Variants in AP3S1 observed in about 807,000 individuals in gnomAD.
AP3S1 encodes the protein AP-3 complex subunit sigma-1.
AP3S1 carries 12 observed loss-of-function variants against 21.3 expected under a neutral mutation model. That is an observed-to-expected ratio of 0.56 (90% CI 0.36 to 0.91). The LOEUF (loss-of-function observed/expected upper bound fraction) is 0.91. Among genes scored for constraint, AP3S1 ranks in the 40% least tolerant of loss-of-function variants. The probability of loss-of-function intolerance (pLI) is 0.01; values close to 1 mark genes in which losing one functional copy is unlikely to be tolerated. For synonymous variants in AP3S1, 48 were observed against 78.4 expected (o/e 0.61, Z 2.05); for missense variants, 116 against 225.0 (o/e 0.52, Z 3.10).
chr5:115,896,763 G>A (rs1750783319), intron 4 of AP3S1, among the ~76,000 whole-genome samples: 1 of 152,188 alleles, frequency 6.6e-6, no homozygotes, highest in African/African-American at 2.4e-5. Context: ...CTGGGTGACA[G>A]AGTGAGACCC....
intron 5 of AP3S1, among the ~76,000 whole-genome samples, chr5:115,909,628 CAT>C (rs1751935072): frequency 6.6e-6 from 1 of 152,112 alleles, no homozygotes; most frequent in African/African-American, 2.4e-5. Flanking sequence ...TCAGGTATAA[CAT>C]AGATGGAAAC....
chr5:115,895,175 C>T lies in AP3S1; in HGVS notation c.345+17C>T. ...GTAGACAAGGTACTATTTGTATTGT[C>T]ACATCTAAGCTTTTTAAGAAAAACA... On this transcript the variant is annotated intron_variant, in intron 4 of 5. Transcript: ENST00000316788. The T allele has an allele frequency of 6.5e-7, 1 of 1,530,480 alleles. No homozygotes were observed. Among genetic ancestry groups the T allele is most frequent in the South Asian group, 1.3e-5 (1 of 77,058 alleles). 94.8% of individuals were successfully genotyped at this position (1,530,480 alleles called of 1,614,324 possible). A position where few individuals can be genotyped will look rare whatever the true frequency, so the allele number is the denominator to read the frequency against.
At chr5:115,868,228 C>T (rs561130800) in intron 2 of AP3S1, among the ~76,000 whole-genome samples, 1 of 152,086 alleles carries the variant, frequency 6.6e-6, no homozygotes, top group Non-Finnish European at 1.5e-5. Flanking sequence ...GCATTACTGG[C>T]CTTTTTGAAA....
intron 1 of AP3S1, among the ~76,000 whole-genome samples, chr5:115,859,376 G>A (rs1763013770): frequency 6.6e-6 from 1 of 152,196 alleles, no homozygotes; most frequent in South Asian, 2.1e-4. Flanking sequence ...CATCTAGTTA[G>A]CATGGAAGAT....
At chr5:115,902,309 G>T (rs1481592934) in intron 4 of AP3S1, among the ~76,000 whole-genome samples, 1 of 152,134 alleles carries the variant, frequency 6.6e-6, no homozygotes. Flanking sequence ...TTTAGTCATT[G>T]TAAGATGTAT....
At chr5:115,858,897 T>G (rs1263332142) in intron 1 of AP3S1, among the ~76,000 whole-genome samples, 1 of 150,998 alleles carries the variant, frequency 6.6e-6, no homozygotes, top group Non-Finnish European at 1.5e-5. Flanking sequence ...TGAGTTGCTT[T>G]TTCCCCTATT....
At chr5:115,844,359 GA>G (rs369952398) in intron 1 of AP3S1, among the ~76,000 whole-genome samples, 3 of 150,668 alleles carry the variant, frequency 2.0e-5, no homozygotes, top group Admixed American at 6.6e-5. Flanking sequence ...ACGTGCTGTG[GA>G]AAAAAAAATA....
chr5:115,843,047 A>G (rs1041251993), intron 1 of AP3S1, among the ~76,000 whole-genome samples: 3 of 152,202 alleles, frequency 2.0e-5, no homozygotes, highest in African/African-American at 4.8e-5. Flanking sequence ...GGTAGTAGAG[A>G]TAAGTGATTT....
intron 3 of AP3S1, among the ~76,000 whole-genome samples, chr5:115,891,090 T>C (rs1750259777): frequency 6.6e-6 from 1 of 152,176 alleles, no homozygotes; most frequent in South Asian, 2.1e-4. Context: ...AGTAAAGTCA[T>C]TTCAGGCACC....
chr5:115,873,275 T>C (rs1748427739), intron 3 of AP3S1, among the ~76,000 whole-genome samples: 1 of 152,172 alleles, frequency 6.6e-6, no homozygotes, highest in Non-Finnish European at 1.5e-5. Context: ...GTAAATTCTG[T>C]CATGTACTCG....
intron 1 of AP3S1, among the ~76,000 whole-genome samples, chr5:115,852,091 G>A (rs971112299): frequency 2.6e-5 from 4 of 152,192 alleles, no homozygotes; most frequent in Admixed American, 1.3e-4. Context: ...CTACTTCTAA[G>A]TGGAAGATCA....
At chr5:115,912,626 T>C (rs935805237) in intron 5 of AP3S1, among the ~76,000 whole-genome samples, 2 of 152,080 alleles carry the variant, frequency 1.3e-5, no homozygotes, top group Admixed American at 1.3e-4. Flanking sequence ...TCTAAATTTG[T>C]AAACTGTAAG....
chr5:115,903,047 G>T (rs959610804), intron 5 of AP3S1, 55 bp downstream of exon 5: 20 of 1,275,984 alleles, frequency 1.6e-5, no homozygotes, highest in Non-Finnish European at 2.2e-5. Flanking sequence ...GACAGATTAC[G>T]CATGATTTGT....
At chr5:115,893,453 C>G (rs1174626610) in intron 3 of AP3S1, among the ~76,000 whole-genome samples, 2 of 152,152 alleles carry the variant, frequency 1.3e-5, no homozygotes, top group African/African-American at 4.8e-5. Context: ...TGTTAATCAA[C>G]TATGTCATTG....
chr5:115,913,276 A>G, intron 5 of AP3S1, 86 bp from the exon 6 acceptor site: 1 of 988,496 alleles, frequency 1.0e-6, no homozygotes, highest in Non-Finnish European at 1.3e-6. Context: ...AAAATCTTTT[A>G]TCATTGTCTT....
intron 1 of AP3S1, among the ~76,000 whole-genome samples, chr5:115,858,665 T>C (rs1202482913): frequency 1.3e-5 from 2 of 151,836 alleles, no homozygotes; most frequent in Non-Finnish European, 2.9e-5. Flanking sequence ...TCATTTTCTA[T>C]CTTTGTGCCC....
At chr5:115,904,122 C>T (rs1751449965) in intron 5 of AP3S1, 1 of 151,932 alleles carries the variant, frequency 6.6e-6, no homozygotes, top group African/African-American at 2.4e-5. Context: ...TCATTCACCA[C>T]CCAACTTGTT....
intron 1 of AP3S1, among the ~76,000 whole-genome samples, chr5:115,853,342 G>A (rs1422718170): frequency 6.6e-6 from 1 of 152,150 alleles, no homozygotes; most frequent in East Asian, 1.9e-4. Context: ...ACTTGTAAGA[G>A]TTCTTAATAT....
Position 115,853,614 on chromosome 5 carries a change from G to T in AP3S1, c.69+11508G>T, listed in dbSNP as rs532809956. Among the ~76,000 whole-genome samples, 12 of 152,174 alleles carry T rather than the reference G, an allele frequency of 7.9e-5. No individual in the cohort carries two copies. In the South Asian group the frequency reaches 2.5e-3, roughly 32 times the overall value. ...CCTTAATTCTTATACCTAGGTCTGT[G>T]GTCCATTTCAGGTTAGTTTTGTGTA... On this transcript the variant is annotated intron_variant, in intron 1 of 5. Coordinates refer to ENST00000316788, the MANE Select transcript of AP3S1 (RefSeq NM_001284.4).
Sources: gnomAD v4.1 joint callset for allele counts (sites outside exome capture counted in the v4.1 genomes callset) on GRCh38, gnomAD v4.1.1 for gene constraint, MANE v1.5 for transcripts, NCBI Gene and HGNC (gene_info 2026-07-23, HGNC 2026-07-21) for gene names.